Variants in ADGRL3 observed in about 807,000 individuals in gnomAD.
ADGRL3 encodes the protein calcium-independent alpha-latrotoxin receptor 3.
A neutral mutation model predicts 153.5 loss-of-function variants in ADGRL3; 62 were observed. The ratio of observed to expected loss-of-function variants is 0.40; its 90% confidence interval spans 0.33 to 0.50. The LOEUF is 0.50. ADGRL3 is among the 20% of genes least tolerant of loss of function. The probability of loss-of-function intolerance (pLI) is 0.47; values close to 1 mark genes in which losing one functional copy is unlikely to be tolerated. For synonymous variants in ADGRL3, 710 were observed against 672.5 expected (o/e 1.06, Z -0.86); for missense variants, 1,641 against 1,859.4 (o/e 0.88, Z 2.16).
chr4:61,866,004 A>T (rs944446139), intron 9 of ADGRL3, among the ~76,000 whole-genome samples: 2 of 152,204 alleles, frequency 1.3e-5, no homozygotes, highest in Non-Finnish European at 2.9e-5. Flanking sequence ...ATGTTCTTCC[A>T]TCTGGATGAC....
At chr4:61,257,571 G>A (rs549626606) in intron 1 of ADGRL3, among the ~76,000 whole-genome samples, 84 of 152,204 alleles carry the variant, frequency 5.5e-4, no homozygotes, top group Admixed American at 1.7e-3. Context: ...ATACTAAATA[G>A]GTAGCTCAGG....
chr4:61,347,987 GTTCATCATT>G, intron 1 of ADGRL3, among the ~76,000 whole-genome samples: 1 of 151,938 alleles, frequency 6.6e-6, no homozygotes, highest in East Asian at 1.9e-4. Flanking sequence ...ATCATTTCTT[GTTCATCATT>G]TATTAAAGGC....
chr4:61,448,699 CGAAGGAAAGAAAGAAGGAAG>C (rs147792680), intron 2 of ADGRL3, among the ~76,000 whole-genome samples: 97,513 of 142,996 alleles, frequency 0.68, 34,534 homozygotes, highest in East Asian at 0.92. Flanking sequence ...AGGATAGGAA[CGAAGGAAAGAAAGAAGGAAG>C]GAAGGAGAGA....
intron 1 of ADGRL3, among the ~76,000 whole-genome samples, chr4:61,347,797 A>G (rs762404116): frequency 5.3e-5 from 8 of 152,094 alleles, no homozygotes; most frequent in Non-Finnish European, 7.4e-5. Flanking sequence ...ATATCTGGAG[A>G]ATTTGCATTT....
At chr4:61,432,570 CTTCCTTTCTTTCTTTCTTTCTT>C (rs202009755) in intron 2 of ADGRL3, among the ~76,000 whole-genome samples, 11,871 of 71,460 alleles carry the variant, frequency 0.17, 3,885 homozygotes, top group Middle Eastern at 0.24. Context: ...TTTTCTTTCT[CTTCCTTTCTTTCTTTCTTTCTT>C]TCTTTCTTTC....
At chr4:61,888,508 G>A (rs573204437) in intron 9 of ADGRL3, among the ~76,000 whole-genome samples, 14 of 152,234 alleles carry the variant, frequency 9.2e-5, no homozygotes, top group South Asian at 4.1e-4. Context: ...TTTCTTGGGC[G>A]CTGGTGACAG....
chr4:61,551,152 T>G (rs561290235), intron 4 of ADGRL3, among the ~76,000 whole-genome samples: 1 of 152,256 alleles, frequency 6.6e-6, no homozygotes, highest in Non-Finnish European at 1.5e-5. Flanking sequence ...TAGATTAAAT[T>G]AAGGATTCTG....
chr4:61,499,099 C>T (rs1445508657), intron 3 of ADGRL3, among the ~76,000 whole-genome samples: 2 of 152,230 alleles, frequency 1.3e-5, no homozygotes, highest in East Asian at 1.9e-4. Flanking sequence ...CATTGTAGTT[C>T]GTCAGTGATG....
intron 9 of ADGRL3, among the ~76,000 whole-genome samples, chr4:61,890,745 G>C (rs900940320): frequency 2.0e-5 from 3 of 152,188 alleles, no homozygotes; most frequent in Admixed American, 1.3e-4. Flanking sequence ...CATTTAAACT[G>C]TAGCATTCCC....
chr4:61,637,969 A>T (rs2093500230), intron 5 of ADGRL3, among the ~76,000 whole-genome samples: 1 of 152,194 alleles, frequency 6.6e-6, no homozygotes, highest in African/African-American at 2.4e-5. Flanking sequence ...GACAGACTGG[A>T]TAATAACTGT....
chr4:61,981,157 CT>C (rs543518923), intron 18 of ADGRL3, among the ~76,000 whole-genome samples: 130 of 152,252 alleles, frequency 8.5e-4, no homozygotes, highest in African/African-American at 3.1e-3. Flanking sequence ...TTCTAAGGAA[CT>C]ACATATTGTC....
At position 61,340,425 on chromosome 4, in the gene ADGRL3, T is replaced by C. The variant is rs145455489; in HGVS notation, c.-239-42699T>C. Among the ~76,000 whole-genome samples the C allele has an allele frequency of 7.9e-4, 119 of 150,882 alleles. 1 individual carries two copies. The highest frequency in any genetic ancestry group is 2.9e-3 in the African/African-American group (118 of 41,166). ...GGGGTCAGTGGGATAGGCATTCTCT[T>C]TTTTTTTTGTACAGCTTTAATTTTT... On this transcript the variant is annotated intron_variant, in intron 1 of 26. Coordinates refer to ENST00000683033, the MANE Select transcript of ADGRL3 (RefSeq NM_001387552.1).
intron 9 of ADGRL3, among the ~76,000 whole-genome samples, chr4:61,846,663 G>A (rs949806366): frequency 1.3e-5 from 2 of 152,000 alleles, no homozygotes; most frequent in Admixed American, 6.6e-5. Context: ...CCTGAGACTG[G>A]GTAATTTATA....
At chr4:61,367,965 G>A (rs1249456903) in intron 1 of ADGRL3, among the ~76,000 whole-genome samples, 114 of 147,780 alleles carry the variant, frequency 7.7e-4, no homozygotes, top group African/African-American at 2.0e-3. Context: ...TTGTGGTTTC[G>A]ATTTGCATTT....
At chr4:61,780,469 C>A (rs1327192399) in intron 8 of ADGRL3, among the ~76,000 whole-genome samples, 10 of 152,172 alleles carry the variant, frequency 6.6e-5, no homozygotes, top group South Asian at 2.1e-4. Context: ...AGAAAAGGAA[C>A]CAATAGGCTT....
intron 5 of ADGRL3, among the ~76,000 whole-genome samples, chr4:61,648,341 G>C (rs2094118284): frequency 7.4e-6 from 1 of 135,622 alleles, no homozygotes; most frequent in African/African-American, 2.7e-5. Flanking sequence ...GTTAGGAAAT[G>C]AAATCGGCTT....
intron 13 of ADGRL3, among the ~76,000 whole-genome samples, chr4:61,912,978 T>C (rs1004565389): frequency 6.6e-5 from 10 of 152,152 alleles, no homozygotes; most frequent in African/African-American, 2.4e-4. Context: ...ACTTGAGGTG[T>C]GAACTTTTTC....
At chr4:61,849,562 T>C (rs2098177077) in intron 9 of ADGRL3, among the ~76,000 whole-genome samples, 1 of 152,112 alleles carries the variant, frequency 6.6e-6, no homozygotes, top group Non-Finnish European at 1.5e-5. Flanking sequence ...TCTTGACTCT[T>C]TCTATGTAAC....
At chr4:61,613,639 G>C (rs1389611231) in intron 5 of ADGRL3, among the ~76,000 whole-genome samples, 1 of 152,154 alleles carries the variant, frequency 6.6e-6, no homozygotes, top group Non-Finnish European at 1.5e-5. Flanking sequence ...AGCCACTCGG[G>C]AGATTGAGGC....
Sources: gnomAD v4.1 joint callset for allele counts (sites outside exome capture counted in the v4.1 genomes callset) on GRCh38, gnomAD v4.1.1 for gene constraint, MANE v1.5 for transcripts, NCBI Gene and HGNC (gene_info 2026-07-23, HGNC 2026-07-21) for gene names.